Variants in B3GALT1 observed in about 807,000 individuals in gnomAD.
The protein encoded by B3GALT1 is beta-1,3-galactosyltransferase 1.
B3GALT1 carries 10 observed loss-of-function variants against 23.2 expected under a neutral mutation model. The ratio of observed to expected loss-of-function variants is 0.43; its 90% CI spans 0.27 to 0.73. The LOEUF (loss-of-function observed/expected upper bound fraction) is 0.73. B3GALT1 is among the 30% of genes least tolerant of loss of function. The probability of loss-of-function intolerance (pLI) is 0.21; values close to 1 mark genes in which losing one functional copy is unlikely to be tolerated. For synonymous variants in B3GALT1, 156 were observed against 141.5 expected (o/e 1.10, Z -0.73); for missense variants, 299 against 405.4 (o/e 0.74, Z 2.25).
intron 1 of B3GALT1, among the ~76,000 whole-genome samples, chr2:167,382,800 G>C (rs986639753): frequency 6.6e-6 from 1 of 152,070 alleles, no homozygotes; most frequent in Admixed American, 6.6e-5. Flanking sequence ...TAAATCACCA[G>C]GGAGAATTTT....
intron 1 of B3GALT1, among the ~76,000 whole-genome samples, chr2:167,464,263 C>T (rs1342872799): frequency 6.6e-6 from 1 of 151,940 alleles, no homozygotes; most frequent in African/African-American, 2.4e-5. Flanking sequence ...TCAGTAGTAT[C>T]TTGAAGGGGT....
chr2:167,417,047 G>A (rs1698483013), intron 1 of B3GALT1, among the ~76,000 whole-genome samples: 1 of 152,146 alleles, frequency 6.6e-6, no homozygotes. Flanking sequence ...TTCAGGCTAT[G>A]GGGATGGAAT....
chr2:167,359,524 A>G (rs1429658244), intron 1 of B3GALT1, among the ~76,000 whole-genome samples: 3 of 152,234 alleles, frequency 2.0e-5, no homozygotes, highest in African/African-American at 7.2e-5. Context: ...TGATTCTAAT[A>G]CAGGATATCC....
intron 3 of B3GALT1, among the ~76,000 whole-genome samples, chr2:167,716,229 C>A (rs377012725): frequency 6.6e-6 from 1 of 152,214 alleles, no homozygotes; most frequent in African/African-American, 2.4e-5. Context: ...GGGCACCCCC[C>A]ACAGGCCTCA....
At chr2:167,806,521 G>A (rs1486977403) in intron 3 of B3GALT1, among the ~76,000 whole-genome samples, 1 of 152,166 alleles carries the variant, frequency 6.6e-6, no homozygotes, top group Non-Finnish European at 1.5e-5. Context: ...AGAGTTTTTA[G>A]CATGAAGGGC....
chr2:167,464,286 A>G (rs1369618004), intron 1 of B3GALT1, among the ~76,000 whole-genome samples: 1 of 152,162 alleles, frequency 6.6e-6, no homozygotes, highest in Non-Finnish European at 1.5e-5. Context: ...CCTGAAAACA[A>G]AACAATGGAA....
At chr2:167,390,360 A>G (rs1156457312) in intron 1 of B3GALT1, among the ~76,000 whole-genome samples, 6 of 152,216 alleles carry the variant, frequency 3.9e-5, no homozygotes, top group Admixed American at 6.5e-5. Context: ...ACCTGCCAAA[A>G]GAATTTACTT....
At chr2:167,314,910 C>G (rs1696689044) in intron 1 of B3GALT1, among the ~76,000 whole-genome samples, 1 of 152,154 alleles carries the variant, frequency 6.6e-6, no homozygotes, top group African/African-American at 2.4e-5. Flanking sequence ...TGGGTTGTTA[C>G]ATATTGACTA....
intron 3 of B3GALT1, among the ~76,000 whole-genome samples, chr2:167,683,612 T>G (rs1052664924): frequency 3.3e-5 from 5 of 152,058 alleles, no homozygotes; most frequent in African/African-American, 1.2e-4. Context: ...ACCTAGCTAC[T>G]CAGGAGGCTG....
At chr2:167,861,750 T>G (rs1467233158) in intron 4 of B3GALT1, among the ~76,000 whole-genome samples, 2 of 152,192 alleles carry the variant, frequency 1.3e-5, no homozygotes, top group Non-Finnish European at 2.9e-5. Context: ...TTGTTTATCT[T>G]CTGCCTCTGT....
At chr2:167,567,533 T>C (rs1684194415) in intron 2 of B3GALT1, among the ~76,000 whole-genome samples, 2 of 152,196 alleles carry the variant, frequency 1.3e-5, no homozygotes, top group Non-Finnish European at 2.9e-5. Context: ...ATGCCTGTTT[T>C]GGTTGTTTTA....
intron 1 of B3GALT1, among the ~76,000 whole-genome samples, chr2:167,395,280 C>G (rs1425645202): frequency 6.6e-6 from 1 of 151,868 alleles, no homozygotes; most frequent in African/African-American, 2.4e-5. Flanking sequence ...CAAAAGTGAT[C>G]AAGTTAAGGA....
At chr2:167,766,087 A>C (rs1001010191) in intron 3 of B3GALT1, among the ~76,000 whole-genome samples, 2 of 152,248 alleles carry the variant, frequency 1.3e-5, no homozygotes, top group Non-Finnish European at 2.9e-5. Context: ...TGATTCCCAT[A>C]GATTACAGAT....
intron 3 of B3GALT1, among the ~76,000 whole-genome samples, chr2:167,692,102 T>A (rs2105502113): frequency 6.6e-6 from 1 of 152,242 alleles, no homozygotes; most frequent in Admixed American, 6.5e-5. Context: ...TGTATTTGCC[T>A]CTGTTGTAAG....
At chr2:167,832,447 C>A (rs1439626091) in intron 4 of B3GALT1, among the ~76,000 whole-genome samples, 1 of 152,124 alleles carries the variant, frequency 6.6e-6, no homozygotes, top group Non-Finnish European at 1.5e-5. Context: ...CATTACTGTA[C>A]AATGGGAATG....
chr2:167,482,737 G>A (rs1212531752), intron 1 of B3GALT1, among the ~76,000 whole-genome samples: 2 of 152,142 alleles, frequency 1.3e-5, no homozygotes, highest in Admixed American at 6.5e-5. Flanking sequence ...CTGCTAGGGA[G>A]GCTGAGGCAG....
intron 3 of B3GALT1, among the ~76,000 whole-genome samples, chr2:167,807,935 C>CGA (rs1688791902): frequency 6.6e-6 from 1 of 152,134 alleles, no homozygotes; most frequent in African/African-American, 2.4e-5. Context: ...GTGTGGGAGT[C>CGA]TAAGTCTCTT....
chr2:167,765,186 C>A (rs1460603180), intron 3 of B3GALT1, among the ~76,000 whole-genome samples: 1 of 152,164 alleles, frequency 6.6e-6, no homozygotes, highest in South Asian at 2.1e-4. Context: ...CTGCCTGAGA[C>A]CGGACTGCCT....
chr2:167,819,966 A>G (rs1689072611), intron 4 of B3GALT1, among the ~76,000 whole-genome samples: 1 of 152,224 alleles, frequency 6.6e-6, no homozygotes. Flanking sequence ...GTGAGTCGCA[A>G]GAGGACCCTC....
Sources: gnomAD v4.1 joint callset for allele counts (sites outside exome capture counted in the v4.1 genomes callset) on GRCh38, gnomAD v4.1.1 for gene constraint, MANE v1.5 for transcripts, NCBI Gene and HGNC (gene_info 2026-07-23, HGNC 2026-07-21) for gene names.